The following DCAF8L1 variants were observed in gnomAD, a reference collection of about 807,000 sequenced individuals.
DCAF8L1 encodes the protein DDB1- and CUL4-associated factor 8-like protein 1.
For synonymous variants in DCAF8L1, 217 were observed against 186.8 expected (o/e 1.16, Z -1.32); for missense variants, 434 against 481.6 (o/e 0.90, Z 0.92).
In DCAF8L1 at chrX:27,980,285, A is replaced by G. The variant is rs1364770703; in HGVS notation, c.1050T>C (p.Phe350=). The G allele has an allele frequency of 8.3e-7, 1 of 1,211,747 alleles. No individual in the cohort carries two copies. Among genetic ancestry groups the G allele is most frequent in the South Asian group, 1.8e-5 (1 of 56,971 alleles). The part of the protein sequence containing the change: ...ISMNPANIYQ[F]AVGGHDQFVR... ...CAAACTGATCATGTCCACCCACTGC[A>G]AATTGGTAAATATTGGCAGGATTCA... Residue 350 remains phenylalanine, a synonymous_variant, in exon 1 of 1, where the codon TTT becomes TTC. Transcript: ENST00000441525.
At position 27,979,961 on chromosome X, in the gene DCAF8L1, A is replaced by G. The variant is rs1926601367; in HGVS notation, c.1374T>C (p.Asp458=). 4.1e-6 allele frequency: 5 copies of G among 1,210,964 alleles called. No homozygotes were observed. The highest frequency in any genetic ancestry group is 4.5e-6 in the Non-Finnish European group (4 of 895,272). Residue 458 remains aspartate, a synonymous_variant, in exon 1 of 1, where the codon GAT becomes GAC. Transcript: ENST00000441525. ...TCTCCCAGAAGAAGACGTGCCCACA[A>G]TCACTACCGCTCACGACAAACTCAC... ...PRSEFVVSGS[D]CGHVFFWEKS...
In DCAF8L1 at chrX:27,979,976, G is replaced by T. The variant is rs768047411; in HGVS notation, c.1359C>A (p.Val453=). 8.3e-7 allele frequency: 1 copy of T among 1,208,348 alleles called. No individual in the cohort carries two copies. The highest frequency in any genetic ancestry group is 1.8e-5 in the African/African-American group (1 of 56,708). Residue 453 remains valine, a synonymous_variant, in exon 1 of 1, where the codon GTC becomes GTA. Coordinates refer to ENST00000441525, the MANE Select transcript of DCAF8L1 (RefSeq NM_001017930.2). The part of the protein sequence containing the change: ...VNFYGPRSEF[V]VSGSDCGHVF... ...CGTGCCCACAATCACTACCGCTCAC[G>T]ACAAACTCACTCCGGGGGCCATAGA...
chrX:27,980,811 T>G lies in DCAF8L1; in HGVS notation c.524A>C (p.Glu175Ala). The change falls in exon 1 of 1, where the codon GAG becomes GCG. Residue 175 changes from glutamate (E) to alanine (A), a missense_variant. Transcript: ENST00000441525. ...QLGSSARFVY[E>A]ACGARTFVQR... ...CACAAAGGTTCTTGCCCCACAGGCC[T>G]CATATACAAAGCGGGCACTTGAACC... 1 of 1,210,082 alleles carries G rather than the reference T, an allele frequency of 8.3e-7. No homozygotes were observed. Among genetic ancestry groups the G allele is most frequent in the Non-Finnish European group, 1.1e-6 (1 of 894,572 alleles).
rs1465260468 is a variant in DCAF8L1, at chrX:27,979,572, T to C, written c.1763A>G (p.Glu588Gly). The change falls in exon 1 of 1, where the codon GAG (glutamate) becomes GGG (glycine). Residue 588 changes from glutamate to glycine, a missense_variant. Transcript: ENST00000441525. ...DESSSTSDTS[E>G]EEGQDRVQCI... ...CTGCACTCGATCTTGGCCCTCCTCC[T>C]CGGATGTATCTGAGGTGCTGGAAGA... 8.3e-7 allele frequency: 1 copy of C among 1,208,907 alleles called. No individual in the cohort carries two copies. Among genetic ancestry groups the C allele is most frequent in the East Asian group, 3.0e-5 (1 of 33,720 alleles).
At position 27,978,865 on chromosome X, in the gene DCAF8L1, C is replaced by A. The variant is rs1295798312; in HGVS notation, c.*667G>T. ...TGTTTGTTGGAAAATCACAATTAAC[C>A]AGATGATGAAGAGTGAATTTCTTGA... is the stretch of plus-strand genomic sequence containing the variant. On this transcript the variant is annotated 3_prime_UTR_variant, in exon 1 of 1. Transcript: ENST00000441525. The A allele has an allele frequency of 1.1e-6, 1 of 893,657 alleles. No homozygotes were observed. The highest frequency in any genetic ancestry group is 3.3e-5 in the East Asian group (1 of 30,369). The allele number at this position is 893,657 out of a possible 1,213,427, so 73.6% of individuals were successfully genotyped here. A position where few individuals can be genotyped will look rare whatever the true frequency, so the allele number is the denominator to read the frequency against.
chrX:27,981,094 G>A lies in DCAF8L1; in HGVS notation c.241C>T (p.Leu81Phe), dbSNP rs150703703. Residue 81 changes from leucine to phenylalanine, a missense_variant, in exon 1 of 1, where the codon CTT (leucine) becomes TTT (phenylalanine). By Grantham distance (22) the Leu-to-Phe change is conservative. Transcript: ENST00000441525. ...AATAAACCTTCACCCATGCTTTCAA[G>A]TTCGACGTCTTCACTTGAACTTTCT... ...DSESSSEDVELESMGEGLFGY... is the reference protein window; with the variant it reads ...DSESSSEDVEFESMGEGLFGY... The A allele has an allele frequency of 1.7e-4, 206 of 1,210,124 alleles. No homozygotes were observed. The African/African-American group carries it at 2.7e-3, about 16-fold the overall frequency.
rs779760110 is a variant in DCAF8L1 at position 27,980,881 on chromosome X, G to A, written c.454C>T (p.Arg152Ter). The A allele has an allele frequency of 7.4e-6, 9 of 1,211,323 alleles. No individual in the cohort carries two copies. The highest frequency in any genetic ancestry group is 6.7e-6 in the Non-Finnish European group (6 of 895,261). The change falls in exon 1 of 1, where the codon CGA (arginine) becomes TGA (stop). Residue 152 changes from arginine (R) to a stop codon, truncating the protein, a stop_gained. Transcript: ENST00000441525. LOFTEE classifies it low-confidence loss of function (END_TRUNC). The stretch of plus-strand genomic sequence containing the variant: ...GCAGTAAGGACTTGCCAGCGAGATC[G>A]GGGCAGGGCAGATGTCTCTGAGGAA... ...WISSETSALP[R>*]SRWQVLTALR...
Position 27,980,611 on chromosome X carries a change from C to T in DCAF8L1, c.724G>A (p.Val242Ile), listed in dbSNP as rs1417061719. ...TTAGGAAAGAACTTAGCCTGGATGA[C>T]ATTAATATCGTGACCACTCTCAAAG... ...LNFESGHDIN[V>I]IQAKFFPNCG... The change falls in exon 1 of 1, where the codon GTC (valine) becomes ATC (isoleucine). Residue 242 changes from valine (V) to isoleucine (I), a missense_variant. Physicochemically the swap from Val to Ile is conservative, Grantham distance 29. Transcript: ENST00000441525. 8.2e-7 allele frequency: 1 copy of T among 1,212,253 alleles called. No homozygotes were observed. Among genetic ancestry groups the T allele is most frequent in the African/African-American group, 1.7e-5 (1 of 57,922 alleles).
Position 27,981,440 on chromosome X carries a change from G to C in DCAF8L1, c.-106C>G, listed in dbSNP as rs186439125. The C allele has an allele frequency of 1.3e-4, 136 of 1,045,757 alleles. 1 individual carries two copies. Among genetic ancestry groups the C allele is most frequent in the Admixed American group, 1.9e-4 (6 of 30,879 alleles). 86.2% of individuals were successfully genotyped at this position (1,045,757 alleles called of 1,213,427 possible). A position where few individuals can be genotyped will look rare whatever the true frequency, so the allele number is the denominator to read the frequency against. On this transcript the variant is annotated 5_prime_UTR_variant, in exon 1 of 1. Transcript: ENST00000441525. ...CGAGGACGGACGGTCGGAGAAGGCA[G>C]TAGGTAAGCAGCAAAGAGACACCAA...
chrX:27,980,068 C>T lies in DCAF8L1; in HGVS notation c.1267G>A (p.Asp423Asn), dbSNP rs1926605500. ...TATCTCTTAACATATTGAGCACCAT[C>T]ACTGAGAGAGGAGTTGAAGAGGTAA... is the stretch of plus-strand genomic sequence containing the variant. Reference protein sequence around the residue: ...DIYLFNSSLSDGAQYVKRYKG... With the variant: ...DIYLFNSSLSNGAQYVKRYKG... Residue 423 changes from aspartate to asparagine, a missense_variant, in exon 1 of 1, where the codon GAT becomes AAT. Coordinates refer to ENST00000441525, the MANE Select transcript of DCAF8L1 (RefSeq NM_001017930.2). The T allele has an allele frequency of 8.3e-7, 1 of 1,209,477 alleles. No individual in the cohort carries two copies. Among genetic ancestry groups the T allele is most frequent in the East Asian group, 3.0e-5 (1 of 33,719 alleles).
Position 27,980,745 on chromosome X carries a change from C to T in DCAF8L1, c.590G>A (p.Gly197Asp). 1 of 1,210,574 alleles carries T rather than the reference C, an allele frequency of 8.3e-7. No homozygotes were observed. Among genetic ancestry groups the T allele is most frequent in the Non-Finnish European group, 1.1e-6 (1 of 894,759 alleles). ...GTTAAAGTGTATGGTACTGACAGAA[C>T]CGGCATGGCTTCCAAGAAGATACTG... ...RLQYLLGSHA[G>D]SVSTIHFNQR... Residue 197 changes from glycine to aspartate, a missense_variant, in exon 1 of 1, where the codon GGT becomes GAT. Transcript: ENST00000441525.
chrX:27,981,070 A>G lies in DCAF8L1; in HGVS notation c.265T>C (p.Phe89Leu), dbSNP rs374009296. ...TCCTCTCCCACTAACGGGTAACCAAATAAACCTTCACCCATGCTTTCAAGT... is the reference window on the plus strand; with the variant it reads ...TCCTCTCCCACTAACGGGTAACCAAGTAAACCTTCACCCATGCTTTCAAGT... ...VELESMGEGL[F>L]GYPLVGEETE... The change falls in exon 1 of 1, where the codon TTT (phenylalanine) becomes CTT (leucine). Residue 89 changes from phenylalanine (F) to leucine (L), a missense_variant. Physicochemically the swap from Phe to Leu is conservative, Grantham distance 22. Transcript: ENST00000441525. 4.0e-5 allele frequency: 49 copies of G among 1,210,018 alleles called. No homozygotes were observed. The highest frequency in any genetic ancestry group is 4.8e-5 in the Non-Finnish European group (43 of 895,240).
chrX:27,980,224 C>T lies in DCAF8L1; in HGVS notation c.1111G>A (p.Glu371Lys). Residue 371 changes from glutamate to lysine, a missense_variant, in exon 1 of 1, where the codon GAA becomes AAA. Coordinates refer to ENST00000441525, the MANE Select transcript of DCAF8L1 (RefSeq NM_001017930.2). ...IYDQRRIDKK[E>K]NNGVLKKFTP... Reference sequence around the variant, plus strand: ...AATTTCTTGAGTACTCCATTGTTTTCTTTCTTATCAATTCTCCTCTGGTCA... The same window carrying T: ...AATTTCTTGAGTACTCCATTGTTTTTTTTCTTATCAATTCTCCTCTGGTCA... 1 of 1,211,822 alleles carries T rather than the reference C, an allele frequency of 8.3e-7. No individual in the cohort carries two copies. Among genetic ancestry groups the T allele is most frequent in the Non-Finnish European group, 1.1e-6 (1 of 895,578 alleles).
rs1237355793 is a variant in DCAF8L1, at chrX:27,979,031, CTT to C, written c.*499_*500del. Reference sequence around the variant, plus strand: ...CAGTCCCACTTTCTTATTCTTCTCTCTTGTTACTACAACTTTTGAAGCTGTGT... The same window carrying C: ...CAGTCCCACTTTCTTATTCTTCTCTCGTTACTACAACTTTTGAAGCTGTGT... On this transcript the variant is annotated 3_prime_UTR_variant, in exon 1 of 1. Coordinates refer to ENST00000441525, the MANE Select transcript of DCAF8L1 (RefSeq NM_001017930.2). The C allele has an allele frequency of 7.1e-6, 3 of 421,464 alleles. No homozygotes were observed. The highest frequency in any genetic ancestry group is 4.2e-5 in the South Asian group (1 of 23,702). 34.7% of individuals were successfully genotyped at this position (421,464 alleles called of 1,213,427 possible).
Position 27,981,280 on chromosome X carries a change from G to A in DCAF8L1, c.55C>T (p.Leu19=). ...GACTGCTCCTCTGGGCTGCTGAACAGGCTTTCAGTCACTAAGTCTGGTAAG... is the reference window on the plus strand; with the variant it reads ...GACTGCTCCTCTGGGCTGCTGAACAAGCTTTCAGTCACTAAGTCTGGTAAG... The part of the protein sequence containing the change: ...GGLPDLVTES[L]FSSPEEQSGV... The change falls in exon 1 of 1, where the codon CTG becomes TTG. Residue 19 remains leucine (L), a synonymous_variant. Transcript: ENST00000441525. The A allele has an allele frequency of 2.0e-5, 24 of 1,210,740 alleles. No individual in the cohort carries two copies. The highest frequency in any genetic ancestry group is 2.7e-5 in the Non-Finnish European group (24 of 895,298).
rs1214859979 is a variant in DCAF8L1, at chrX:27,981,374, AG to A, written c.-41del. 3 of 1,185,252 alleles carry A rather than the reference AG, an allele frequency of 2.5e-6. No homozygotes were observed. The East Asian group carries it at 9.0e-5, about 35-fold the overall frequency. ...GCTGTAGCTGATCTGGAACTGGAAA[AG>A]CCAACCCCTAAAAGCTCAGGGAAGA... On this transcript the variant is annotated 5_prime_UTR_variant, in exon 1 of 1. Transcript: ENST00000441525.
At position 27,981,117 on chromosome X, in the gene DCAF8L1, T is replaced by C. The variant is rs763757804; in HGVS notation, c.218A>G (p.Glu73Gly). Residue 73 changes from glutamate to glycine, a missense_variant, in exon 1 of 1, where the codon GAA becomes GGA. By Grantham distance (98) the Glu-to-Gly change is moderately conservative. Transcript: ENST00000441525. ...ASTENQNTDS[E>G]SSSEDVELES... is the part of the protein sequence containing the mutation. ...AAGTTCGACGTCTTCACTTGAACTTTCTGAGTCTGTGTTTTGATTTTCTGT... is the reference window on the plus strand; with the variant it reads ...AAGTTCGACGTCTTCACTTGAACTTCCTGAGTCTGTGTTTTGATTTTCTGT... The C allele has an allele frequency of 2.8e-5, 34 of 1,211,912 alleles. No homozygotes were observed. Among genetic ancestry groups the C allele is most frequent in the Non-Finnish European group, 3.7e-5 (33 of 895,597 alleles).
Position 27,980,530 on chromosome X carries a change from C to T in DCAF8L1, c.805G>A (p.Glu269Lys). The change falls in exon 1 of 1, where the codon GAA becomes AAA. Residue 269 changes from glutamate (E) to lysine (K), a missense_variant. Glu to Lys is a moderately conservative substitution (Grantham distance 56). Coordinates refer to ENST00000441525, the MANE Select transcript of DCAF8L1 (RefSeq NM_001017930.2). ...TCGCAATATGATGCATTAATTAGTT[C>T]TGCTACCCGTACCTGTCCATCATGG... ...CGHDGQVRVA[E>K]LINASYCENT... 8.3e-7 allele frequency: 1 copy of T among 1,211,939 alleles called. No individual in the cohort carries two copies. Among genetic ancestry groups the T allele is most frequent in the African/African-American group, 1.7e-5 (1 of 57,860 alleles).
chrX:27,980,890 C>A lies in DCAF8L1; in HGVS notation c.445G>T (p.Ala149Ser). 1 of 1,211,665 alleles carries A rather than the reference C, an allele frequency of 8.3e-7. No individual in the cohort carries two copies. The highest frequency in any genetic ancestry group is 1.1e-6 in the Non-Finnish European group (1 of 895,385). The change falls in exon 1 of 1, where the codon GCC becomes TCC. Residue 149 changes from alanine (A) to serine (S), a missense_variant. Physicochemically the swap from Ala to Ser is moderately conservative, Grantham distance 99 (BLOSUM62 1). Coordinates refer to ENST00000441525, the MANE Select transcript of DCAF8L1 (RefSeq NM_001017930.2). ...LEEWISSETSALPRSRWQVLT... is the reference protein window; with the variant it reads ...LEEWISSETSSLPRSRWQVLT... ...ACTTGCCAGCGAGATCGGGGCAGGG[C>A]AGATGTCTCTGAGGAAATCCACTCC...
Sources: gnomAD v4.1 joint callset for allele counts on GRCh38, gnomAD v4.1.1 for gene constraint, MANE v1.5 for transcripts, NCBI Gene and HGNC (gene_info 2026-07-23, HGNC 2026-07-21) for gene names.